Variants in RAB3C observed in about 807,000 individuals in gnomAD.
RAB3C encodes ras-related protein Rab-3C.
In RAB3C, 17 loss-of-function variants were observed where a neutral mutation model predicts 26.4. The ratio of observed to expected loss-of-function variants is 0.64; its 90% CI spans 0.44 to 0.97. The LOEUF is 0.97. RAB3C is among the 50% of genes least tolerant of loss of function. RAB3C has a pLI of 0.00. For missense variants in RAB3C, 242 were observed against 281.9 expected (o/e 0.86, Z 1.01); for synonymous variants, 91 against 95.9 (o/e 0.95, Z 0.30).
chr5:58,766,824 A>G (rs181287949), intron 3 of RAB3C, among the ~76,000 whole-genome samples: 6 of 152,320 alleles, frequency 3.9e-5, no homozygotes, highest in African/African-American at 1.2e-4. Context: ...AACACAGGCT[A>G]GCATGTAGAA....
intron 3 of RAB3C, 36 bp downstream of exon 3, chr5:58,726,156 A>G: frequency 9.2e-7 from 1 of 1,083,658 alleles, no homozygotes; most frequent in Non-Finnish European, 1.4e-6. Flanking sequence ...ACTGATAATG[A>G]TGGTTCTCCG....
chr5:58,664,684 A>C (rs1747969215), intron 2 of RAB3C, among the ~76,000 whole-genome samples: 1 of 152,154 alleles, frequency 6.6e-6, no homozygotes. Flanking sequence ...ACTGCATGTG[A>C]ATCTACATTT....
At chr5:58,748,424 A>AT (rs1285254284) in intron 3 of RAB3C, among the ~76,000 whole-genome samples, 1 of 152,072 alleles carries the variant, frequency 6.6e-6, no homozygotes, top group Admixed American at 6.6e-5. Context: ...TCCCTGATTC[A>AT]TTGTGCATGC....
At chr5:58,792,689 T>C (rs1742555727) in intron 3 of RAB3C, among the ~76,000 whole-genome samples, 1 of 152,096 alleles carries the variant, frequency 6.6e-6, no homozygotes, top group African/African-American at 2.4e-5. Context: ...ATGGCCAAGC[T>C]ATTTTCGTTA....
In RAB3C at chr5:58,851,407, T is replaced by C; in HGVS notation, c.*56T>C. 7.1e-7 allele frequency: 1 copy of C among 1,402,912 alleles called. No homozygotes were observed. The highest frequency in any genetic ancestry group is 9.7e-7 in the Non-Finnish European group (1 of 1,032,298). 86.9% of individuals were successfully genotyped at this position (1,402,912 alleles called of 1,614,324 possible). A position where few individuals can be genotyped will look rare whatever the true frequency, so the allele number is the denominator to read the frequency against. ...GCTCTGGTTGCCAACAAACAGCATTTGTAAATGGTCTATTAGCCTTCATTT... is the reference window on the plus strand; with the variant it reads ...GCTCTGGTTGCCAACAAACAGCATTCGTAAATGGTCTATTAGCCTTCATTT... On this transcript the variant is annotated 3_prime_UTR_variant, in exon 5 of 5. Transcript: ENST00000282878.
At chr5:58,797,424 A>T (rs1335819625) in intron 3 of RAB3C, among the ~76,000 whole-genome samples, 4 of 147,332 alleles carry the variant, frequency 2.7e-5, no homozygotes, top group Non-Finnish European at 4.5e-5. Context: ...GAAATTTAAA[A>T]ATTAGCAAGG....
In RAB3C at chr5:58,660,927, T is replaced by C. The variant is rs1300532139; in HGVS notation, c.252+43057T>C. Among the ~76,000 whole-genome samples, 2 of 150,106 alleles carry C rather than the reference T, an allele frequency of 1.3e-5. 1 individual carries two copies. The highest frequency in any genetic ancestry group is 5.1e-5 in the African/African-American group (2 of 39,466). ...CATAGGACCCATCTACCATGGATGC[T>C]TGAAGCTGGGGGAATGCAGAGGAGC... is the stretch of plus-strand genomic sequence containing the variant. On this transcript the variant is annotated intron_variant, in intron 2 of 4. Transcript: ENST00000282878.
chr5:58,808,637 A>G (rs915099219), intron 3 of RAB3C, among the ~76,000 whole-genome samples: 3 of 152,192 alleles, frequency 2.0e-5, no homozygotes, highest in Non-Finnish European at 4.4e-5. Context: ...TGAAAAATAG[A>G]ATTACTTAGA....
At chr5:58,624,993 A>C (rs1225395704) in intron 2 of RAB3C, among the ~76,000 whole-genome samples, 1 of 152,174 alleles carries the variant, frequency 6.6e-6, no homozygotes, top group Non-Finnish European at 1.5e-5. Context: ...AAACCCTGTG[A>C]GATAGATGCT....
rs1481603465 is a variant in RAB3C, at chr5:58,856,968, C to T, written c.*5617C>T. ...ACGTGATGTGATACCGTTAGACTGT[C>T]CAAATGTACAACAATTTAATGGTGT... On this transcript the variant is annotated 3_prime_UTR_variant, in exon 5 of 5. Coordinates refer to ENST00000282878, the MANE Select transcript of RAB3C (RefSeq NM_138453.4). 6.6e-6 allele frequency: 1 copy of T among 152,108 alleles called. No individual in the cohort carries two copies. Among genetic ancestry groups the T allele is most frequent in the Non-Finnish European group, 1.5e-5 (1 of 68,032 alleles). 9.4% of individuals were successfully genotyped at this position (152,108 alleles called of 1,614,324 possible).
chr5:58,615,834 C>A (rs955897655), intron 1 of RAB3C, among the ~76,000 whole-genome samples: 2 of 152,056 alleles, frequency 1.3e-5, no homozygotes, highest in Non-Finnish European at 2.9e-5. Flanking sequence ...TCATGAAATA[C>A]CCACGGGTTT....
chr5:58,715,980 G>A (rs1323153454), intron 2 of RAB3C, among the ~76,000 whole-genome samples: 1 of 149,900 alleles, frequency 6.7e-6, no homozygotes, highest in Non-Finnish European at 1.5e-5. Context: ...ACTCACATAT[G>A]TAACTAACCT....
At chr5:58,737,920 C>A (rs1185521325) in intron 3 of RAB3C, among the ~76,000 whole-genome samples, 8 of 152,068 alleles carry the variant, frequency 5.3e-5, no homozygotes, top group African/African-American at 1.9e-4. Context: ...AATGTCTTAT[C>A]TTACATAGTG....
In RAB3C at chr5:58,635,027, A is replaced by G. The variant is rs142736523; in HGVS notation, c.252+17157A>G. 3.9e-4 allele frequency among the ~76,000 whole-genome samples: 59 copies of G among 152,346 alleles called. No homozygotes were observed. The South Asian group carries it at 5.8e-3, about 15-fold the overall frequency. On this transcript the variant is annotated intron_variant, in intron 2 of 4. Coordinates refer to ENST00000282878, the MANE Select transcript of RAB3C (RefSeq NM_138453.4). ...TGATACAAGTGCATTATTGAATTCAATTAACTAAAGGTACCACAGTAAGGT... is the reference window on the plus strand; with the variant it reads ...TGATACAAGTGCATTATTGAATTCAGTTAACTAAAGGTACCACAGTAAGGT...
At chr5:58,835,566 G>T (rs769937263) in intron 4 of RAB3C, among the ~76,000 whole-genome samples, 3 of 152,090 alleles carry the variant, frequency 2.0e-5, no homozygotes, top group Admixed American at 6.6e-5. Flanking sequence ...CCTGGATTTG[G>T]CTCAGAACTT....
intron 2 of RAB3C, among the ~76,000 whole-genome samples, chr5:58,684,066 A>G (rs1748398082): frequency 6.6e-6 from 1 of 152,174 alleles, no homozygotes; most frequent in African/African-American, 2.4e-5. Flanking sequence ...ACTCCAACCA[A>G]CCATGAACTG....
At chr5:58,791,250 T>C (rs1742516992) in intron 3 of RAB3C, among the ~76,000 whole-genome samples, 1 of 152,088 alleles carries the variant, frequency 6.6e-6, no homozygotes, top group Non-Finnish European at 1.5e-5. Flanking sequence ...TTGAACTAAG[T>C]TCAGTAGCCA....
intron 1 of RAB3C, among the ~76,000 whole-genome samples, chr5:58,609,853 A>T (rs905836466): frequency 6.6e-6 from 1 of 152,128 alleles, no homozygotes; most frequent in Admixed American, 6.6e-5. Flanking sequence ...ATTAGGATTT[A>T]AACTTTCCAG....
intron 2 of RAB3C, among the ~76,000 whole-genome samples, chr5:58,642,037 G>A (rs1747423108): frequency 6.6e-6 from 1 of 152,156 alleles, no homozygotes; most frequent in South Asian, 2.1e-4. Context: ...TAACACCTGT[G>A]CATAGGGCTG....
Sources: allele counts gnomAD v4.1 joint callset (sites outside exome capture counted in the v4.1 genomes callset), GRCh38; gene constraint gnomAD v4.1.1; transcripts MANE v1.5; gene names NCBI Gene and HGNC (gene_info 2026-07-23, HGNC 2026-07-21).